Variants in CCSER1 observed in about 807,000 individuals in gnomAD.
CCSER1 encodes the protein serine-rich coiled-coil domain-containing protein 1.
Under a neutral mutation model 82.0 loss-of-function variants are expected in CCSER1, and 41 were observed. That is an observed-to-expected ratio of 0.50 (90% CI 0.39 to 0.65). The LOEUF (loss-of-function observed/expected upper bound fraction) is 0.65. Ranked by LOEUF, CCSER1 falls within the 30% of genes least tolerant of loss-of-function variation. The pLI is 0.00. For missense variants in CCSER1, 1,119 were observed against 1,064.2 expected (o/e 1.05, Z -0.72); for synonymous variants, 414 against 383.9 (o/e 1.08, Z -0.92).
chr4:91,023,248 T>G (rs2150532988), intron 9 of CCSER1, among the ~76,000 whole-genome samples: 1 of 152,216 alleles, frequency 6.6e-6, no homozygotes, highest in African/African-American at 2.4e-5. Context: ...AATTTATAGA[T>G]TCAATGCCAT....
intron 3 of CCSER1, among the ~76,000 whole-genome samples, chr4:90,325,896 A>T (rs1561032718): frequency 6.6e-6 from 1 of 152,184 alleles, no homozygotes; most frequent in African/African-American, 2.4e-5. Flanking sequence ...ATTAAAAAAT[A>T]TAGAAATATC....
At chr4:90,150,937 T>A (rs1004829213) in intron 1 of CCSER1, among the ~76,000 whole-genome samples, 3 of 152,186 alleles carry the variant, frequency 2.0e-5, no homozygotes, top group African/African-American at 7.2e-5. Flanking sequence ...ATTTAAAATA[T>A]TACTAAAATC....
chr4:90,485,409 T>C (rs1423177006), intron 5 of CCSER1, among the ~76,000 whole-genome samples: 1 of 151,958 alleles, frequency 6.6e-6, no homozygotes, highest in Non-Finnish European at 1.5e-5. Flanking sequence ...CACTCCCCCG[T>C]GAGATGAACC....
At chr4:91,570,672 A>T (rs1360346257) in intron 10 of CCSER1, among the ~76,000 whole-genome samples, 3 of 152,104 alleles carry the variant, frequency 2.0e-5, no homozygotes, top group African/African-American at 7.2e-5. Flanking sequence ...GGCTGCATAG[A>T]ACAGAGTGGC....
At chr4:90,372,881 A>G (rs1018462720) in intron 3 of CCSER1, among the ~76,000 whole-genome samples, 3 of 151,850 alleles carry the variant, frequency 2.0e-5, no homozygotes, top group Non-Finnish European at 2.9e-5. Flanking sequence ...GAGAAATGAT[A>G]TAAGTCTGAT....
At chr4:90,527,487 C>A (rs1773938760) in intron 5 of CCSER1, among the ~76,000 whole-genome samples, 1 of 151,986 alleles carries the variant, frequency 6.6e-6, no homozygotes, top group Non-Finnish European at 1.5e-5. Context: ...CCCAGTGCAC[C>A]TCTGATATAA....
chr4:90,691,851 C>T (rs1273467563), intron 6 of CCSER1, among the ~76,000 whole-genome samples: 2 of 151,766 alleles, frequency 1.3e-5, no homozygotes, highest in Non-Finnish European at 2.9e-5. Context: ...CACCCCCATT[C>T]TACCTTCCAC....
At chr4:91,032,445 A>G (rs929499745) in intron 9 of CCSER1, among the ~76,000 whole-genome samples, 57 of 152,358 alleles carry the variant, frequency 3.7e-4, no homozygotes, top group African/African-American at 1.3e-3. Flanking sequence ...TCACAGTGTT[A>G]CAATGCAGCA....
At chr4:90,252,481 ATTT>A (rs1722580706) in intron 1 of CCSER1, among the ~76,000 whole-genome samples, 1 of 151,444 alleles carries the variant, frequency 6.6e-6, no homozygotes, top group African/African-American at 2.4e-5. Context: ...AAATTTTCCA[ATTT>A]TTTATTTTAA....
At chr4:91,382,369 C>T (rs920477843) in intron 10 of CCSER1, among the ~76,000 whole-genome samples, 2 of 152,182 alleles carry the variant, frequency 1.3e-5, no homozygotes, top group Admixed American at 6.5e-5. Context: ...TTTGAGTTTC[C>T]TGGCTGCTTT....
chr4:90,996,389 A>G (rs921928755), intron 9 of CCSER1, among the ~76,000 whole-genome samples: 1 of 152,140 alleles, frequency 6.6e-6, no homozygotes, highest in Non-Finnish European at 1.5e-5. Flanking sequence ...CAGCTACCCC[A>G]TTAATAGGTA....
intron 3 of CCSER1, among the ~76,000 whole-genome samples, chr4:90,386,228 G>A (rs2153534961): frequency 6.6e-6 from 1 of 152,294 alleles, no homozygotes; most frequent in Middle Eastern, 3.4e-3. Flanking sequence ...GAACAAATCT[G>A]GAGGCATCGC....
At chr4:90,186,250 A>C (rs188953719) in intron 1 of CCSER1, among the ~76,000 whole-genome samples, 182 of 152,078 alleles carry the variant, frequency 1.2e-3, no homozygotes, top group Non-Finnish European at 2.1e-3. Context: ...TCATAAAATA[A>C]AAGTGCTTAC....
chr4:91,046,763 G>A (rs573762253), intron 9 of CCSER1, among the ~76,000 whole-genome samples: 48 of 152,086 alleles, frequency 3.2e-4, no homozygotes, highest in South Asian at 8.3e-4. Context: ...CTGTCTCCAG[G>A]CTGGAGTGCA....
At chr4:90,637,250 G>T (rs1478436424) in intron 6 of CCSER1, among the ~76,000 whole-genome samples, 2 of 152,130 alleles carry the variant, frequency 1.3e-5, no homozygotes, top group Non-Finnish European at 2.9e-5. Flanking sequence ...GTTCTTCACT[G>T]CTGGTGCTCA....
chr4:90,172,469 G>A (rs1986976), intron 1 of CCSER1, among the ~76,000 whole-genome samples: 51,881 of 151,680 alleles, frequency 0.34, 11,087 homozygotes, highest in East Asian at 0.65. Context: ...ATAATTGTAT[G>A]AGCTACACTG....
chr4:90,738,811 C>A (rs1323261304), intron 7 of CCSER1, among the ~76,000 whole-genome samples: 1 of 152,162 alleles, frequency 6.6e-6, no homozygotes. Flanking sequence ...AGGCCCTGTG[C>A]TCTTTCATCA....
At chr4:90,560,042 T>C (rs966408949) in intron 5 of CCSER1, among the ~76,000 whole-genome samples, 1 of 151,958 alleles carries the variant, frequency 6.6e-6, no homozygotes, top group Non-Finnish European at 1.5e-5. Context: ...TCTTTCACAG[T>C]TACGATAATA....
chr4:90,693,567 T>C (rs1050671241), intron 6 of CCSER1: 3 of 151,968 alleles, frequency 2.0e-5, no homozygotes, highest in Non-Finnish European at 2.9e-5. Context: ...TGGAATAAGC[T>C]TGATGACCTT....
Sources: gnomAD v4.1 joint callset for allele counts (sites outside exome capture counted in the v4.1 genomes callset) on GRCh38, gnomAD v4.1.1 for gene constraint, MANE v1.5 for transcripts, NCBI Gene and HGNC (gene_info 2026-07-23, HGNC 2026-07-21) for gene names.